NTRK2: variants seen among roughly 807,000 people sequenced by gnomAD.
NTRK2 encodes BDNF/NT-3 growth factors receptor.
A neutral mutation model predicts 94.5 loss-of-function variants in NTRK2; 13 were observed. The observed-to-expected ratio is 0.14, with a 90% CI of 0.09 to 0.22. The LOEUF is 0.22. NTRK2 is among the 10% of genes least tolerant of loss of function. The pLI, the probability that NTRK2 is intolerant of heterozygous loss-of-function variation, is 1.00. For synonymous variants in NTRK2, 372 were observed against 407.4 expected (o/e 0.91, Z 1.05); for missense variants, 639 against 1,071.2 (o/e 0.60, Z 5.63).
At chr9:84,855,407 G>C (rs983698293) in intron 12 of NTRK2, among the ~76,000 whole-genome samples, 2 of 152,118 alleles carry the variant, frequency 1.3e-5, no homozygotes, top group Admixed American at 6.5e-5. Flanking sequence ...GTCTCTGTGG[G>C]TATTTATATG....
At chr9:84,956,850 G>GT (rs61418898) in intron 17 of NTRK2, among the ~76,000 whole-genome samples, 9,310 of 147,214 alleles carry the variant, frequency 0.063, 924 homozygotes, top group African/African-American at 0.22. Flanking sequence ...GTTTTGTGGT[G>GT]TTTTTTTTTT....
intron 5 of NTRK2, among the ~76,000 whole-genome samples, chr9:84,709,867 T>C (rs2061323823): frequency 6.6e-6 from 1 of 152,156 alleles, no homozygotes; most frequent in African/African-American, 2.4e-5. Flanking sequence ...CCAGGCAGCA[T>C]GGCTGAGGTC....
intron 12 of NTRK2, among the ~76,000 whole-genome samples, chr9:84,780,825 G>A (rs2067490677): frequency 1.3e-5 from 2 of 152,142 alleles, no homozygotes; most frequent in African/African-American, 2.4e-5. Context: ...ATAGGTGGAT[G>A]TTTTTTCCTC....
At chr9:84,926,879 C>T (rs1438796393) in intron 14 of NTRK2, among the ~76,000 whole-genome samples, 2 of 152,172 alleles carry the variant, frequency 1.3e-5, no homozygotes, top group African/African-American at 2.4e-5. Flanking sequence ...ATGATAAGAA[C>T]TGTGGACTCC....
intron 12 of NTRK2, among the ~76,000 whole-genome samples, chr9:84,759,000 C>G (rs1361621196): frequency 1.3e-5 from 2 of 152,194 alleles, no homozygotes; most frequent in African/African-American, 4.8e-5. Flanking sequence ...TTAAACTACT[C>G]TCCTCCCAGC....
In NTRK2 at chr9:85,024,925, C is replaced by T. The variant is rs1204592939; in HGVS notation, c.*3488C>T. 4.3e-6 allele frequency: 1 copy of T among 232,858 alleles called. No homozygotes were observed. Among genetic ancestry groups the T allele is most frequent in the Non-Finnish European group, 8.5e-6 (1 of 117,928 alleles). 14.4% of individuals were successfully genotyped at this position (232,858 alleles called of 1,614,324 possible). On this transcript the variant is annotated 3_prime_UTR_variant, in exon 19 of 19. Coordinates refer to ENST00000277120, the MANE Select transcript of NTRK2 (RefSeq NM_006180.6). ...TGTATTTATGTATGTGTTATAAATA[C>T]TTGATTTATACATATACAAATGCAC... is the stretch of plus-strand genomic sequence containing the variant.
chr9:85,004,797 C>T (rs1010553455), intron 17 of NTRK2, among the ~76,000 whole-genome samples: 3 of 152,144 alleles, frequency 2.0e-5, no homozygotes, highest in South Asian at 2.1e-4. Context: ...AAAGGGTGAC[C>T]GCCTTAGCAG....
At chr9:85,018,190 A>T (rs1486580050) in intron 17 of NTRK2, among the ~76,000 whole-genome samples, 1 of 152,158 alleles carries the variant, frequency 6.6e-6, no homozygotes, top group Non-Finnish European at 1.5e-5. Context: ...CATCATCTGT[A>T]GGCTAGAGGT....
intron 16 of NTRK2, 28 bp from the exon 17 acceptor site, chr9:84,955,255 C>A (rs200696289): frequency 1.3e-6 from 2 of 1,561,570 alleles, no homozygotes; most frequent in East Asian, 2.4e-5. Flanking sequence ...CTGAGGCCCC[C>A]AGCTTCATTC....
chr9:84,684,817 TC>T (rs1260131684), intron 2 of NTRK2, among the ~76,000 whole-genome samples: 2 of 152,340 alleles, frequency 1.3e-5, no homozygotes, highest in African/African-American at 4.8e-5. Flanking sequence ...TTAGCCCTTT[TC>T]TTTTTTAATT....
At chr9:84,971,732 A>T (rs551324573) in intron 17 of NTRK2, among the ~76,000 whole-genome samples, 2 of 152,338 alleles carry the variant, frequency 1.3e-5, no homozygotes, top group South Asian at 4.1e-4. Context: ...GAGCCAGAGT[A>T]AGCAGATGGG....
intron 12 of NTRK2, chr9:84,811,909 A>ACG: frequency 1.6e-5 from 10 of 629,874 alleles, no homozygotes; most frequent in Non-Finnish European, 1.8e-5. Flanking sequence ...GGCTATCCCC[A>ACG]CCCCACCCCA....
chr9:84,813,251 C>A (rs202154576), intron 12 of NTRK2: 25 of 1,045,202 alleles, frequency 2.4e-5, no homozygotes, highest in Non-Finnish European at 2.7e-5. Flanking sequence ...GCCACTGTCC[C>A]CAGCCGCAGC....
chr9:84,711,152 C>T (rs1319596243), intron 6 of NTRK2, among the ~76,000 whole-genome samples: 1 of 152,104 alleles, frequency 6.6e-6, no homozygotes, highest in African/African-American at 2.4e-5. Context: ...CCACATATAC[C>T]CTTGGATGGC....
intron 12 of NTRK2, among the ~76,000 whole-genome samples, chr9:84,817,195 G>A (rs920580237): frequency 9.9e-5 from 15 of 152,162 alleles, no homozygotes; most frequent in African/African-American, 2.4e-4. Context: ...TTGGCGAGTC[G>A]TTGGGTGTAC....
chr9:84,945,125 C>T (rs1376329680), intron 15 of NTRK2, among the ~76,000 whole-genome samples: 4 of 152,176 alleles, frequency 2.6e-5, no homozygotes, highest in Non-Finnish European at 4.4e-5. Context: ...TTGGGCAGCT[C>T]CCCTCAGCCT....
At chr9:84,798,105 G>C (rs1169001239) in intron 12 of NTRK2, among the ~76,000 whole-genome samples, 3 of 151,186 alleles carry the variant, frequency 2.0e-5, no homozygotes, top group African/African-American at 7.3e-5. Flanking sequence ...CGATATCAAG[G>C]CACCAGCAGA....
At chr9:84,838,891 C>G (rs558164963) in intron 12 of NTRK2, among the ~76,000 whole-genome samples, 4 of 150,054 alleles carry the variant, frequency 2.7e-5, no homozygotes, top group East Asian at 3.9e-4. Context: ...TGTACAGAAG[C>G]CTTAATGATT....
intron 14 of NTRK2, among the ~76,000 whole-genome samples, chr9:84,886,817 G>A (rs1337751830): frequency 6.6e-6 from 1 of 152,130 alleles, no homozygotes; most frequent in Non-Finnish European, 1.5e-5. Context: ...ACTTTTCACT[G>A]GGTAATGTAA....
Sources: allele counts gnomAD v4.1 joint callset (sites outside exome capture counted in the v4.1 genomes callset), GRCh38; gene constraint gnomAD v4.1.1; transcripts MANE v1.5; gene names NCBI Gene and HGNC (gene_info 2026-07-23, HGNC 2026-07-21).